PRKCA: variants seen among roughly 807,000 people sequenced by gnomAD.
PRKCA encodes the protein protein kinase C alpha, also known as protein kinase C alpha type.
In PRKCA, 27 loss-of-function variants were observed where a neutral mutation model predicts 87.0. The ratio of observed to expected loss-of-function variants is 0.31; its 90% CI spans 0.23 to 0.43. The LOEUF (loss-of-function observed/expected upper bound fraction) is 0.43, where lower values mean the gene tolerates loss of function less well. Ranked by LOEUF, PRKCA falls within the 20% of genes least tolerant of loss-of-function variation. The pLI, the probability that PRKCA is intolerant of heterozygous loss-of-function variation, is 1.00. For synonymous variants in PRKCA, 329 were observed against 311.1 expected (o/e 1.06, Z -0.61); for missense variants, 518 against 852.3 (o/e 0.61, Z 4.88).
chr17:66,563,045 G>A (rs539729621), intron 3 of PRKCA, among the ~76,000 whole-genome samples: 26 of 152,108 alleles, frequency 1.7e-4, no homozygotes, highest in South Asian at 6.2e-4. Context: ...ATTTTTTAGA[G>A]CCATTGTTTT....
At chr17:66,680,525 C>T (rs754906573) in intron 5 of PRKCA, among the ~76,000 whole-genome samples, 19 of 152,156 alleles carry the variant, frequency 1.2e-4, no homozygotes, top group Admixed American at 2.6e-4. Context: ...ATTTGGAGGG[C>T]CATGTTGTCC....
intron 3 of PRKCA, among the ~76,000 whole-genome samples, chr17:66,508,565 C>A (rs1917077403): frequency 6.6e-6 from 1 of 152,192 alleles, no homozygotes. Context: ...GCTTATGTCA[C>A]CCTGATTGAT....
chr17:66,448,400 G>A (rs1056785075), intron 2 of PRKCA, among the ~76,000 whole-genome samples: 8 of 152,176 alleles, frequency 5.3e-5, no homozygotes, highest in Middle Eastern at 3.2e-3. Context: ...GGAAGTTTGT[G>A]TGTCGTTTTG....
intron 15 of PRKCA, among the ~76,000 whole-genome samples, chr17:66,788,080 T>G (rs537000627): frequency 6.6e-6 from 1 of 152,368 alleles, no homozygotes; most frequent in South Asian, 2.1e-4. Flanking sequence ...GGAATAGAGT[T>G]GCTGGTCATG....
chr17:66,502,515 G>A (rs899392760), intron 3 of PRKCA, among the ~76,000 whole-genome samples: 6 of 151,606 alleles, frequency 4.0e-5, no homozygotes, highest in African/African-American at 1.2e-4. Context: ...GATTACAGGT[G>A]TGAGCCACTG....
chr17:66,741,825 T>C (rs1974164718), intron 12 of PRKCA, 104 bp downstream of exon 12: 1 of 1,196,558 alleles, frequency 8.4e-7, no homozygotes. Context: ...AGTTGATAAC[T>C]CCCCAGGAGG....
At chr17:66,435,815 A>T (rs1379871293) in intron 2 of PRKCA, among the ~76,000 whole-genome samples, 1 of 152,160 alleles carries the variant, frequency 6.6e-6, no homozygotes, top group East Asian at 1.9e-4. Context: ...AGGTTTCCAG[A>T]TAGAGAGGAT....
At chr17:66,790,850 G>A (rs1238761428) in intron 16 of PRKCA, among the ~76,000 whole-genome samples, 2 of 151,908 alleles carry the variant, frequency 1.3e-5, no homozygotes, top group Admixed American at 6.6e-5. Context: ...ACAACAGGGC[G>A]ACTTGGCTCC....
chr17:66,696,858 G>C (rs537209193), intron 8 of PRKCA, among the ~76,000 whole-genome samples: 38 of 152,246 alleles, frequency 2.5e-4, no homozygotes, highest in Non-Finnish European at 5.3e-4. Flanking sequence ...CAGGAGGCTG[G>C]GGAAAGTTGT....
chr17:66,552,722 T>G (rs920172157), intron 3 of PRKCA, among the ~76,000 whole-genome samples: 5 of 152,116 alleles, frequency 3.3e-5, no homozygotes, highest in Non-Finnish European at 5.9e-5. Context: ...AACCTGACAT[T>G]TTCACCATAG....
chr17:66,630,131 A>G (rs964188376), intron 3 of PRKCA, among the ~76,000 whole-genome samples: 1 of 152,188 alleles, frequency 6.6e-6, no homozygotes, highest in Non-Finnish European at 1.5e-5. Context: ...AAGCTAGTTA[A>G]AGTAGTCAGT....
At chr17:66,529,475 G>A (rs1231806274) in intron 3 of PRKCA, among the ~76,000 whole-genome samples, 1 of 152,140 alleles carries the variant, frequency 6.6e-6, no homozygotes, top group Non-Finnish European at 1.5e-5. Flanking sequence ...AAGGGCCATG[G>A]AGCTCACGGG....
chr17:66,715,268 G>T (rs555065133), intron 8 of PRKCA, among the ~76,000 whole-genome samples: 2 of 151,922 alleles, frequency 1.3e-5, no homozygotes, highest in Non-Finnish European at 2.9e-5. Context: ...GCTTGGGTGC[G>T]TTTTTTGTTA....
Position 66,452,920 on chromosome 17 carries a change from T to C in PRKCA, c.206-43281T>C, listed in dbSNP as rs567349552. On this transcript the variant is annotated intron_variant, in intron 2 of 16. Transcript: ENST00000413366. Reference sequence around the variant, plus strand: ...ACATAACTAGAAATTATGAGGTTTATAAGGGCTGGTGTCTTAACCGCAAGT... The same window carrying C: ...ACATAACTAGAAATTATGAGGTTTACAAGGGCTGGTGTCTTAACCGCAAGT... Among the ~76,000 whole-genome samples the C allele has an allele frequency of 2.6e-4, 40 of 152,346 alleles. No homozygotes were observed. The South Asian group carries it at 5.0e-3, about 19-fold the overall frequency.
intron 3 of PRKCA, among the ~76,000 whole-genome samples, chr17:66,527,193 G>A (rs1019469333): frequency 6.6e-6 from 1 of 152,092 alleles, no homozygotes; most frequent in Non-Finnish European, 1.5e-5. Context: ...TATAATCTCC[G>A]CCTCTCTACC....
At chr17:66,735,923 T>TTC (rs912576907) in intron 10 of PRKCA, among the ~76,000 whole-genome samples, 4 of 122,816 alleles carry the variant, frequency 3.3e-5, no homozygotes, top group Admixed American at 8.0e-5. Context: ...TTTCTTTCTT[T>TTC]TTTTTTTTTT....
At chr17:66,519,613 C>G (rs11653643) in intron 3 of PRKCA, among the ~76,000 whole-genome samples, 1 of 151,952 alleles carries the variant, frequency 6.6e-6, no homozygotes, top group African/African-American at 2.4e-5. Context: ...GATGATGATA[C>G]AGGATCTTGA....
chr17:66,505,935 C>T (rs985639427), intron 3 of PRKCA, among the ~76,000 whole-genome samples: 1 of 152,144 alleles, frequency 6.6e-6, no homozygotes, highest in African/African-American at 2.4e-5. Flanking sequence ...CATAAGTGAT[C>T]CTCCTGCGTA....
rs147724996 is a variant in PRKCA, at chr17:66,321,128, G to A, written c.205+15001G>A. ...GACATTTATGTATGCTTTTTTCAATGTTTATTTTCTAGCTAAATCCAAGCA... is the reference window on the plus strand; with the variant it reads ...GACATTTATGTATGCTTTTTTCAATATTTATTTTCTAGCTAAATCCAAGCA... On this transcript the variant is annotated intron_variant, in intron 2 of 16. Transcript: ENST00000413366. Among the ~76,000 whole-genome samples, 129 of 152,232 alleles carry A rather than the reference G, an allele frequency of 8.5e-4. 4 individuals are homozygous for A. In the East Asian group the frequency reaches 0.018, roughly 21 times the overall value.
Sources: gnomAD v4.1 joint callset for allele counts (sites outside exome capture counted in the v4.1 genomes callset) on GRCh38, gnomAD v4.1.1 for gene constraint, MANE v1.5 for transcripts, NCBI Gene and HGNC (gene_info 2026-07-23, HGNC 2026-07-21) for gene names.